The following CTNNA3 variants were observed in gnomAD, a reference collection of about 807,000 sequenced individuals.
CTNNA3 encodes the protein catenin alpha-3.
Under a neutral mutation model 95.7 loss-of-function variants are expected in CTNNA3, and 76 were observed. That is an observed-to-expected ratio of 0.79 (90% CI 0.66 to 0.96). The LOEUF (loss-of-function observed/expected upper bound fraction) is 0.96, where lower values mean the gene tolerates loss of function less well. Among genes scored for constraint, CTNNA3 ranks in the 40% least tolerant of loss-of-function variants. CTNNA3 has a pLI of 0.00. For missense variants in CTNNA3, 1,191 were observed against 1,089.8 expected, an observed-to-expected ratio of 1.09 and a Z score of -1.31; for synonymous variants, 431 against 374.4, an observed-to-expected ratio of 1.15 and a Z score of -1.74.
chr10:67,360,425 A>G (rs1333031363), intron 5 of CTNNA3, among the ~76,000 whole-genome samples: 2 of 151,888 alleles, frequency 1.3e-5, no homozygotes, highest in African/African-American at 2.4e-5. Context: ...GGAAAAAAAA[A>G]AAAAAAAAAC....
chr10:66,768,377 A>G (rs563970706), intron 8 of CTNNA3, among the ~76,000 whole-genome samples: 1 of 152,296 alleles, frequency 6.6e-6, no homozygotes, highest in East Asian at 1.9e-4. Flanking sequence ...GAGGAGACCC[A>G]CAGAGGACCT....
At chr10:67,055,236 T>C (rs1855351377) in intron 7 of CTNNA3, among the ~76,000 whole-genome samples, 1 of 152,202 alleles carries the variant, frequency 6.6e-6, no homozygotes, top group Non-Finnish European at 1.5e-5. Context: ...AAGTTTGTTT[T>C]TTATCCCTTC....
At chr10:67,109,651 T>C (rs902185952) in intron 7 of CTNNA3, among the ~76,000 whole-genome samples, 4 of 152,124 alleles carry the variant, frequency 2.6e-5, no homozygotes, top group Admixed American at 2.0e-4. Context: ...TAGACCATCC[T>C]GGCCAACATG....
intron 9 of CTNNA3, among the ~76,000 whole-genome samples, chr10:66,664,889 TAAAAAA>T (rs56801434): frequency 0.25 from 34,181 of 134,504 alleles, 4,973 homozygotes; most frequent in East Asian, 0.52. Context: ...CTGAAAAAAT[TAAAAAA>T]AAAAAAAAAA....
At chr10:67,503,472 T>C (rs918782692) in intron 5 of CTNNA3, among the ~76,000 whole-genome samples, 5 of 152,210 alleles carry the variant, frequency 3.3e-5, no homozygotes, top group Non-Finnish European at 5.9e-5. Flanking sequence ...TGGTGTGTGA[T>C]TTCTCTCTTT....
At chr10:67,452,141 CT>C (rs1477621909) in intron 5 of CTNNA3, among the ~76,000 whole-genome samples, 1 of 151,732 alleles carries the variant, frequency 6.6e-6, no homozygotes, top group Non-Finnish European at 1.5e-5. Context: ...ATAAGCAACA[CT>C]TTAAAGCATC....
At chr10:67,549,763 G>A (rs1342905520) in intron 3 of CTNNA3, among the ~76,000 whole-genome samples, 2 of 152,108 alleles carry the variant, frequency 1.3e-5, no homozygotes, top group African/African-American at 4.8e-5. Flanking sequence ...TATATAAAAT[G>A]TAAATTTCAG....
chr10:66,989,960 C>T (rs1436291395), intron 7 of CTNNA3, among the ~76,000 whole-genome samples: 1 of 152,118 alleles, frequency 6.6e-6, no homozygotes, highest in African/African-American at 2.4e-5. Context: ...ATTAAGATAG[C>T]CACCTCAATA....
At chr10:66,442,968 C>T (rs1298466523) in intron 11 of CTNNA3, among the ~76,000 whole-genome samples, 1 of 152,188 alleles carries the variant, frequency 6.6e-6, no homozygotes, top group Non-Finnish European at 1.5e-5. Flanking sequence ...TAATACTGCA[C>T]TTTTCCAATG....
chr10:67,733,524 T>G (rs1311478971), intron 1 of CTNNA3, among the ~76,000 whole-genome samples: 2 of 152,156 alleles, frequency 1.3e-5, no homozygotes, highest in African/African-American at 4.8e-5. Flanking sequence ...CTGCTGGTGG[T>G]ATGCAAGCTA....
intron 5 of CTNNA3, among the ~76,000 whole-genome samples, chr10:67,312,030 T>C (rs1307641702): frequency 6.6e-6 from 1 of 151,838 alleles, no homozygotes; most frequent in Non-Finnish European, 1.5e-5. Context: ...TTTTTTAAAG[T>C]GTTAAGTCTG....
At chr10:67,424,504 C>G (rs912534315) in intron 5 of CTNNA3, among the ~76,000 whole-genome samples, 1 of 152,004 alleles carries the variant, frequency 6.6e-6, no homozygotes, top group Non-Finnish European at 1.5e-5. Context: ...AATATGGTTT[C>G]TATAGCATTT....
At chr10:67,436,957 G>A (rs1846323906) in intron 5 of CTNNA3, among the ~76,000 whole-genome samples, 1 of 152,146 alleles carries the variant, frequency 6.6e-6, no homozygotes, top group Admixed American at 6.5e-5. Context: ...ATTTGATCCA[G>A]CAATCCCACT....
intron 7 of CTNNA3, among the ~76,000 whole-genome samples, chr10:67,118,758 C>T (rs1859316667): frequency 1.3e-5 from 2 of 151,802 alleles, no homozygotes; most frequent in African/African-American, 4.8e-5. Flanking sequence ...GCCATGTCTC[C>T]CCTCTCATGA....
At chr10:66,626,857 T>A (rs925227955) in intron 9 of CTNNA3, among the ~76,000 whole-genome samples, 2 of 152,028 alleles carry the variant, frequency 1.3e-5, no homozygotes, top group Non-Finnish European at 2.9e-5. Flanking sequence ...AAGGACTGTA[T>A]AATTAGATTT....
chr10:66,581,170 A>T (rs189190906), intron 10 of CTNNA3, among the ~76,000 whole-genome samples: 44 of 151,954 alleles, frequency 2.9e-4, no homozygotes, highest in Non-Finnish European at 2.2e-4. Flanking sequence ...GGTTGACTGC[A>T]TATCTTTGCA....
chr10:67,639,309 G>T (rs550133232), intron 2 of CTNNA3, among the ~76,000 whole-genome samples: 1 of 152,140 alleles, frequency 6.6e-6, no homozygotes, highest in Admixed American at 6.5e-5. Context: ...AAACCAGGAA[G>T]AAGTTGAATC....
At position 67,480,257 on chromosome 10, in the gene CTNNA3, G is replaced by A. The variant is rs140438678; in HGVS notation, c.579+41585C>T. 3.3e-3 allele frequency among the ~76,000 whole-genome samples: 510 copies of A among 152,290 alleles called. 1 individual carries two copies. Among genetic ancestry groups the A allele is most frequent in the African/African-American group, 0.012 (489 of 41,562 alleles). ...AACTCATGCTACAAAAGTAGCATCA[G>A]CCTGACACCAAAACCTGGCAAAGAC... On this transcript the variant is annotated intron_variant, in intron 5 of 17. Coordinates refer to ENST00000433211, the MANE Select transcript of CTNNA3 (RefSeq NM_013266.4).
chr10:65,957,047 A>G (rs1229058747), intron 17 of CTNNA3, among the ~76,000 whole-genome samples: 1 of 152,058 alleles, frequency 6.6e-6, no homozygotes, highest in Non-Finnish European at 1.5e-5. Flanking sequence ...GTCTCTAAGG[A>G]CTTGCTTTAT....
Sources: gnomAD v4.1 joint callset for allele counts (sites outside exome capture counted in the v4.1 genomes callset) on GRCh38, gnomAD v4.1.1 for gene constraint, MANE v1.5 for transcripts, NCBI Gene and HGNC (gene_info 2026-07-23, HGNC 2026-07-21) for gene names.